Variants in ULK4 observed in about 807,000 individuals in gnomAD.
ULK4 encodes inactive serine/threonine-protein kinase ULK4.
Under a neutral mutation model 160.6 loss-of-function variants are expected in ULK4, and 133 were observed. The ratio of observed to expected loss-of-function variants is 0.83; its 90% confidence interval spans 0.72 to 0.96. The LOEUF (loss-of-function observed/expected upper bound fraction) is 0.96, where lower values mean the gene tolerates loss of function less well. ULK4 is among the 40% of genes least tolerant of loss of function. The pLI, the probability that ULK4 is intolerant of heterozygous loss-of-function variation, is 0.00. For missense variants in ULK4, 1,580 were observed against 1,499.5 expected (o/e 1.05, Z -0.89); for synonymous variants, 534 against 539.8 (o/e 0.99, Z 0.15).
At chr3:41,829,056 T>C (rs1235639670) in intron 18 of ULK4, among the ~76,000 whole-genome samples, 3 of 151,392 alleles carry the variant, frequency 2.0e-5, no homozygotes, top group African/African-American at 4.9e-5. Flanking sequence ...AAGGATTCCC[T>C]ATTTAATAAA....
At chr3:41,936,888 C>T (rs1485746175) in intron 3 of ULK4, among the ~76,000 whole-genome samples, 1 of 152,080 alleles carries the variant, frequency 6.6e-6, no homozygotes, top group Non-Finnish European at 1.5e-5. Flanking sequence ...AATAACTGTA[C>T]ATTTTAAAAT....
intron 17 of ULK4, among the ~76,000 whole-genome samples, chr3:41,872,119 G>C (rs1173992840): frequency 6.6e-6 from 1 of 152,116 alleles, no homozygotes; most frequent in African/African-American, 2.4e-5. Flanking sequence ...ATAGCCCTTA[G>C]TCCCGGTACA....
At chr3:41,906,969 GCGAC>G (rs1378217781) in intron 12 of ULK4, among the ~76,000 whole-genome samples, 1 of 148,202 alleles carries the variant, frequency 6.7e-6, no homozygotes, top group Non-Finnish European at 1.5e-5. Flanking sequence ...CTCCAGCCTG[GCGAC>G]TGAGCAAGAC....
At chr3:41,882,897 T>C (rs1158327769) in intron 17 of ULK4, among the ~76,000 whole-genome samples, 1 of 152,162 alleles carries the variant, frequency 6.6e-6, no homozygotes, top group African/African-American at 2.4e-5. Context: ...AGATGCTCAA[T>C]CTTTCAGACA....
intron 32 of ULK4, among the ~76,000 whole-genome samples, chr3:41,526,026 T>C (rs1424727561): frequency 6.6e-6 from 1 of 152,224 alleles, no homozygotes; most frequent in African/African-American, 2.4e-5. Context: ...TAATGTCCAG[T>C]GATATTAACA....
intron 34 of ULK4, among the ~76,000 whole-genome samples, chr3:41,413,325 C>T (rs192932986): frequency 2.2e-4 from 34 of 151,896 alleles, no homozygotes; most frequent in Non-Finnish European, 3.5e-4. Context: ...CCATATCAGG[C>T]GTGAATATAA....
intron 2 of ULK4, among the ~76,000 whole-genome samples, chr3:41,941,339 G>GA (rs58069829): frequency 0.24 from 24,139 of 101,082 alleles, 3,661 homozygotes; most frequent in Middle Eastern, 0.4. Context: ...TGCCCAGCTT[G>GA]AAAAAAAAAA....
At chr3:41,546,173 CTG>C (rs2086854808) in intron 32 of ULK4, among the ~76,000 whole-genome samples, 1 of 152,028 alleles carries the variant, frequency 6.6e-6, no homozygotes, top group Non-Finnish European at 1.5e-5. Context: ...ATGCTAGTCA[CTG>C]TGAATAATAT....
chr3:41,573,869 C>T (rs72860653), intron 31 of ULK4, among the ~76,000 whole-genome samples: 2,747 of 152,180 alleles, frequency 0.018, 89 homozygotes, highest in African/African-American at 0.062. Context: ...GCTCTGAGAC[C>T]CAAGCTCAGA....
chr3:41,903,779 T>C (rs1405763874), intron 12 of ULK4, among the ~76,000 whole-genome samples: 1 of 152,160 alleles, frequency 6.6e-6, no homozygotes, highest in African/African-American at 2.4e-5. Context: ...AATCAGATCA[T>C]AATCATTAAA....
At chr3:41,852,995 T>C (rs1262081507) in intron 17 of ULK4, among the ~76,000 whole-genome samples, 2 of 152,212 alleles carry the variant, frequency 1.3e-5, no homozygotes, top group African/African-American at 4.8e-5. Context: ...ATGACTCACC[T>C]GGGAGACCAG....
intron 34 of ULK4, among the ~76,000 whole-genome samples, chr3:41,400,739 A>G (rs2082161669): frequency 1.3e-5 from 2 of 152,164 alleles, no homozygotes; most frequent in Non-Finnish European, 2.9e-5. Flanking sequence ...GTTTTTTAAG[A>G]AACTGTCAAA....
At chr3:41,704,597 A>C (rs1162546820) in intron 27 of ULK4, among the ~76,000 whole-genome samples, 3 of 152,202 alleles carry the variant, frequency 2.0e-5, no homozygotes, top group African/African-American at 7.2e-5. Context: ...GACATATGTC[A>C]ATGTGTAGAG....
intron 18 of ULK4, among the ~76,000 whole-genome samples, chr3:41,830,540 G>T (rs543612259): frequency 6.6e-6 from 1 of 151,964 alleles, no homozygotes; most frequent in East Asian, 1.9e-4. Flanking sequence ...ATACATAAAT[G>T]AACATTTATC....
chr3:41,598,331 C>A (rs2031827649), intron 31 of ULK4, among the ~76,000 whole-genome samples: 4 of 152,182 alleles, frequency 2.6e-5, no homozygotes, highest in Non-Finnish European at 5.9e-5. Flanking sequence ...ATAAGAAAAG[C>A]TATCAAACAT....
chr3:41,846,450 T>A (rs558854380), intron 17 of ULK4, among the ~76,000 whole-genome samples: 2 of 152,286 alleles, frequency 1.3e-5, no homozygotes, highest in African/African-American at 4.8e-5. Flanking sequence ...TTATTATGCA[T>A]GTTTTCCTCT....
At chr3:41,864,119 C>T (rs1014155566) in intron 17 of ULK4, among the ~76,000 whole-genome samples, 1 of 152,110 alleles carries the variant, frequency 6.6e-6, no homozygotes, top group Admixed American at 6.5e-5. Context: ...ACTCAAGCTC[C>T]CACCATTGGG....
chr3:41,314,859 A>G (rs865853493), intron 35 of ULK4, among the ~76,000 whole-genome samples: 3 of 152,072 alleles, frequency 2.0e-5, no homozygotes, highest in Admixed American at 6.6e-5. Flanking sequence ...GGGAGATTAT[A>G]TATGGGTCTT....
At chr3:41,929,630 T>G (rs1699516096) in intron 5 of ULK4, among the ~76,000 whole-genome samples, 1 of 152,154 alleles carries the variant, frequency 6.6e-6, no homozygotes, top group Non-Finnish European at 1.5e-5. Context: ...GATAAGCAAC[T>G]TCAGCAAAGT....
Sources: gnomAD v4.1 joint callset for allele counts (sites outside exome capture counted in the v4.1 genomes callset) on GRCh38, gnomAD v4.1.1 for gene constraint, MANE v1.5 for transcripts, NCBI Gene and HGNC (gene_info 2026-07-23, HGNC 2026-07-21) for gene names.